Variants in MLIP observed in about 807,000 individuals in gnomAD.
MLIP encodes the protein muscular LMNA-interacting protein.
A neutral mutation model predicts 84.8 loss-of-function variants in MLIP; 79 were observed. The observed-to-expected ratio is 0.93, with a 90% confidence interval of 0.78 to 1.12. The LOEUF (loss-of-function observed/expected upper bound fraction) is 1.12. Among genes scored for constraint, MLIP ranks in the 50% most tolerant of loss-of-function variants. The pLI, the probability that MLIP is intolerant of heterozygous loss-of-function variation, is 0.00. For synonymous variants in MLIP, 504 were observed against 463.0 expected (o/e 1.09, Z -1.14); for missense variants, 1,257 against 1,160.6 (o/e 1.08, Z -1.21).
intron 8 of MLIP, among the ~76,000 whole-genome samples, chr6:54,165,161 G>T (rs1018820030): frequency 4.0e-5 from 6 of 151,856 alleles, no homozygotes; most frequent in African/African-American, 1.5e-4. Context: ...TTCTGGTGAG[G>T]TTTATTTATT....
intron 1 of MLIP, among the ~76,000 whole-genome samples, chr6:54,049,642 A>T (rs950410642): frequency 6.6e-6 from 1 of 152,148 alleles, no homozygotes; most frequent in Non-Finnish European, 1.5e-5. Flanking sequence ...ACCCTACAAG[A>T]TGGGCTCTGT....
At chr6:54,233,252 A>G (rs1582579029) in intron 12 of MLIP, among the ~76,000 whole-genome samples, 1 of 152,136 alleles carries the variant, frequency 6.6e-6, no homozygotes, top group East Asian at 1.9e-4. Flanking sequence ...ATAGGTGTAC[A>G]TGTGCCACGG....
upstream of MLIP, among the ~76,000 whole-genome samples, chr6:54,109,924 T>TCTTCCTTCCTTCATTCCTTCCTTC (rs1769308151): frequency 1.5e-5 from 1 of 65,860 alleles, no homozygotes; most frequent in Non-Finnish European, 3.1e-5. Context: ...TTTCTTTCTT[T>TCTTCCTTCCTTCATTCCTTCCTTC]CTTCCTTCCT....
intron 11 of MLIP, chr6:54,217,050 A>G (rs1779903245): frequency 1.0e-6 from 1 of 985,478 alleles, no homozygotes. Context: ...GAAAGCTGAA[A>G]ATAAATGCTG....
intron 1 of MLIP, among the ~76,000 whole-genome samples, chr6:54,083,827 A>G (rs1229740679): frequency 6.6e-6 from 1 of 152,212 alleles, no homozygotes; most frequent in African/African-American, 2.4e-5. Flanking sequence ...GAATTGCTCC[A>G]GGAAAAGTTG....
At chr6:54,162,059 A>G (rs755364990) in intron 8 of MLIP, among the ~76,000 whole-genome samples, 34 of 151,986 alleles carry the variant, frequency 2.2e-4, no homozygotes, top group Non-Finnish European at 4.9e-4. Flanking sequence ...CCAGTATTTT[A>G]GGCCACTACA....
chr6:54,172,548 A>C (rs137879731), intron 9 of MLIP, among the ~76,000 whole-genome samples: 49 of 151,666 alleles, frequency 3.2e-4, no homozygotes, highest in Middle Eastern at 3.4e-3. Context: ...TAGCCAGAGA[A>C]CCCATTGATG....
intron 1 of MLIP, among the ~76,000 whole-genome samples, chr6:54,060,765 T>A (rs1335937575): frequency 6.6e-6 from 1 of 151,550 alleles, no homozygotes; most frequent in East Asian, 1.9e-4. Context: ...AGAAAGGGAG[T>A]TAGAAAAGAT....
chr6:54,035,543 A>C (rs9464016), intron 1 of MLIP, among the ~76,000 whole-genome samples: 4,238 of 152,114 alleles, frequency 0.028, 186 homozygotes, highest in African/African-American at 0.094. Context: ...GGAATTGTCA[A>C]ATTATTTTTC....
intron 1 of MLIP, among the ~76,000 whole-genome samples, chr6:54,114,820 G>A (rs951135586): frequency 1.3e-5 from 2 of 152,180 alleles, no homozygotes; most frequent in Non-Finnish European, 2.9e-5. Flanking sequence ...ATAAATGAAA[G>A]TAAGTAGAAG....
chr6:54,203,106 A>T (rs1208340064), intron 11 of MLIP, among the ~76,000 whole-genome samples: 1 of 152,172 alleles, frequency 6.6e-6, no homozygotes, highest in Non-Finnish European at 1.5e-5. Flanking sequence ...TCTATACTAG[A>T]TTCTCCTTAT....
At chr6:54,091,933 A>T (rs529027738) in intron 1 of MLIP, among the ~76,000 whole-genome samples, 44 of 152,222 alleles carry the variant, frequency 2.9e-4, no homozygotes, top group African/African-American at 9.9e-4. Flanking sequence ...ATTCAACAAG[A>T]TTGTCTCTAA....
intron 11 of MLIP, among the ~76,000 whole-genome samples, chr6:54,214,055 C>T (rs895578185): frequency 2.0e-5 from 3 of 152,142 alleles, no homozygotes; most frequent in African/African-American, 7.2e-5. Flanking sequence ...CCACAGGCAG[C>T]AGTCAAGTAA....
chr6:54,244,752 A>T (rs913596537), intron 12 of MLIP, among the ~76,000 whole-genome samples: 3 of 152,298 alleles, frequency 2.0e-5, no homozygotes, highest in African/African-American at 7.2e-5. Flanking sequence ...TTTCCAGGAA[A>T]CTGAGAACAA....
chr6:54,135,722 A>G (rs1321075085), intron 3 of MLIP, among the ~76,000 whole-genome samples: 1 of 152,094 alleles, frequency 6.6e-6, no homozygotes, highest in African/African-American at 2.4e-5. Context: ...TTATATATTG[A>G]CATAATCAAA....
chr6:54,054,420 GA>G lies in MLIP; in HGVS notation c.63+35336del, dbSNP rs148455872. On this transcript the variant is annotated intron_variant, in intron 1 of 12. Coordinates refer to the MLIP transcript ENST00000274897. The stretch of plus-strand genomic sequence containing the variant: ...TCTTTCGTGTATTAAGGACAGTGGG[GA>G]AAAAAAGGCAAAAAAAAAAAAAAAA... Among the ~76,000 whole-genome samples, 14 of 91,620 alleles carry G rather than the reference GA, an allele frequency of 1.5e-4. No individual in the cohort carries two copies. In the East Asian group the frequency reaches 3.2e-3, roughly 21 times the overall value. 60.1% of individuals were successfully genotyped at this position (91,620 alleles called of 152,430 possible).
At chr6:54,106,500 G>T (rs114632504), upstream of MLIP, among the ~76,000 whole-genome samples, 1,914 of 152,286 alleles carry the variant, frequency 0.013, 50 homozygotes, top group African/African-American at 0.042. Flanking sequence ...ACGATGGCAG[G>T]TTCCGCTACT....
chr6:54,061,931 G>C (rs1765987602), intron 1 of MLIP, among the ~76,000 whole-genome samples: 1 of 152,214 alleles, frequency 6.6e-6, no homozygotes. Flanking sequence ...TTCTCAAGTT[G>C]GTTGTATATT....
In MLIP at chr6:54,251,441, C is replaced by CATATATAT. The variant is rs148476876; in HGVS notation, c.2923-5848_2923-5841dup. On this transcript the variant is annotated intron_variant, in intron 12 of 13. Transcript: ENST00000502396. The stretch of plus-strand genomic sequence containing the variant: ...TATCTCCAAAGTGAATGAAACAAGC[C>CATATATAT]ATATATATATATATATATATATATA... Among the ~76,000 whole-genome samples, 398 of 88,916 alleles carry CATATATAT rather than the reference C, an allele frequency of 4.5e-3. 25 individuals are homozygous for CATATATAT. The highest frequency in any genetic ancestry group is 0.024 in the African/African-American group (336 of 14,158). 58.3% of individuals were successfully genotyped at this position (88,916 alleles called of 152,430 possible).
Sources: gnomAD v4.1 joint callset for allele counts (sites outside exome capture counted in the v4.1 genomes callset) on GRCh38, gnomAD v4.1.1 for gene constraint, MANE v1.5 for transcripts, NCBI Gene and HGNC (gene_info 2026-07-23, HGNC 2026-07-21) for gene names.